Variants in MDN1 observed in about 807,000 individuals in gnomAD.
MDN1 encodes midasin AAA ATPase 1.
A neutral mutation model predicts 669.2 loss-of-function variants in MDN1; 266 were observed. The observed-to-expected ratio is 0.40, with a 90% CI of 0.36 to 0.44. The LOEUF is 0.44. MDN1 is among the 20% of genes least tolerant of loss of function. The pLI is 1.00. For missense variants in MDN1, 5,940 were observed against 6,754.0 expected (o/e 0.88, Z 4.22); for synonymous variants, 2,385 against 2,457.1 (o/e 0.97, Z 0.87).
At chr6:89,814,003 T>C (rs1007937521) in intron 1 of MDN1, among the ~76,000 whole-genome samples, 18 of 151,342 alleles carry the variant, frequency 1.2e-4, no homozygotes, top group Non-Finnish European at 7.4e-5. Flanking sequence ...GGGAGGGTCC[T>C]AAAGTAAGAT....
intron 19 of MDN1, among the ~76,000 whole-genome samples, chr6:89,757,084 A>C (rs1817293290): frequency 6.6e-6 from 1 of 152,178 alleles, no homozygotes; most frequent in African/African-American, 2.4e-5. Flanking sequence ...TGTAGTTTCT[A>C]AAGCTTCCCT....
At position 89,774,514 on chromosome 6, in the gene MDN1, T is replaced by C. The variant is rs1818255326; in HGVS notation, c.1934+107A>G. On this transcript the variant is annotated intron_variant, in intron 13 of 101. Transcript: ENST00000369393. ...CTTCCCATATAGCATACTACAGATA[T>C]CACAGTTCAGACATGTGTTTTGCAC... 5.1e-6 allele frequency: 4 copies of C among 779,060 alleles called. No individual in the cohort carries two copies. The East Asian group carries it at 1.0e-4, about 20-fold the overall frequency. The allele number at this position is 779,060 out of a possible 1,614,324, so 48.3% of individuals were successfully genotyped here.
rs144678040 is a variant in MDN1 at position 89,787,919 on chromosome 6, G to A, written c.1269C>T (p.Leu423=). 47 of 1,613,542 alleles carry A rather than the reference G, an allele frequency of 2.9e-5. No homozygotes were observed. The African/African-American group carries it at 5.9e-4, about 20-fold the overall frequency. Residue 423 remains leucine, a synonymous_variant, in exon 8 of 102, where the codon CTC becomes CTT. Transcript: ENST00000369393. Reference sequence around the variant, plus strand: ...GACAGTCACCTCGGCCAGGAATCAAGAGCTCTCCATTCTCCAAGAGAGGGA... The same window carrying A: ...GACAGTCACCTCGGCCAGGAATCAAAAGCTCTCCATTCTCCAAGAGAGGGA... ...VLIPLLENGE[L]LIPGRGDCLK... is the part of the protein sequence containing the mutation.
Position 89,707,430 on chromosome 6 carries a change from T to C in MDN1, c.7945A>G (p.Asn2649Asp), listed in dbSNP as rs1173350106. The part of the protein sequence containing the change: ...DREKRVFTEA[N>D]LVSVGSKKLR... ...TTTTTGCTACCAACAGAAACCAAAT[T>C]TGCTTCAGTAAAAACCCGTTTTTCC... The change falls in exon 52 of 102, where the codon AAT (asparagine) becomes GAT (aspartate). Residue 2649 changes from asparagine to aspartate, a missense_variant. By Grantham distance (23) the Asn-to-Asp change is conservative (BLOSUM62 1). This residue lies in a region of MDN1 where 2,292 missense variants were observed against 2,638.3 expected (regional missense o/e 0.87). Transcript: ENST00000369393. 8 of 1,613,956 alleles carry C rather than the reference T, an allele frequency of 5.0e-6. No individual in the cohort carries two copies. In the East Asian group the frequency reaches 1.8e-4, roughly 36 times the overall value.
chr6:89,803,890 C>CTTTCTTTT lies in MDN1; in HGVS notation c.103-337_103-336insAAAAGAAA, dbSNP rs377468650. On this transcript the variant is annotated intron_variant, in intron 1 of 101. Transcript: ENST00000369393. ...GCCACCGCGCCCGGCCTTTTCTTTT[C>CTTTCTTTT]TTTTCTTTTTTTTTTTTTTTTTTTT... 6.4e-3 allele frequency among the ~76,000 whole-genome samples: 593 copies of CTTTCTTTT among 93,016 alleles called. 34 individuals carry two copies. The highest frequency in any genetic ancestry group is 0.012 in the African/African-American group (285 of 24,334). 61.0% of individuals were successfully genotyped at this position (93,016 alleles called of 152,430 possible).
chr6:89,710,633 G>T, intron 50 of MDN1, 48 bp downstream of exon 50: 1 of 1,118,228 alleles, frequency 8.9e-7, no homozygotes, highest in African/African-American at 1.7e-5. Flanking sequence ...AAAGTCAAAA[G>T]ATAAGTTTCC....
chr6:89,785,637 C>T (rs537575245), intron 8 of MDN1, among the ~76,000 whole-genome samples: 2 of 152,218 alleles, frequency 1.3e-5, no homozygotes, highest in East Asian at 1.9e-4. Context: ...ACAACTGTCC[C>T]GAGAGGAAGA....
intron 83 of MDN1, among the ~76,000 whole-genome samples, chr6:89,670,564 T>C (rs1175327276): frequency 6.6e-6 from 1 of 152,038 alleles, no homozygotes; most frequent in Non-Finnish European, 1.5e-5. Flanking sequence ...GCCTTAAGGG[T>C]TTATCCTACA....
chr6:89,784,966 AG>A (rs1208376475), intron 9 of MDN1, 45 bp downstream of exon 9: 2 of 1,242,870 alleles, frequency 1.6e-6, no homozygotes. Context: ...TTCACGCGGG[AG>A]CCACTGCACC....
At chr6:89,710,062 T>C (rs2128311531) in intron 50 of MDN1, among the ~76,000 whole-genome samples, 1 of 152,222 alleles carries the variant, frequency 6.6e-6, no homozygotes, top group South Asian at 2.1e-4. Flanking sequence ...ACCGCATCTA[T>C]CATTAAAGGT....
intron 73 of MDN1, among the ~76,000 whole-genome samples, chr6:89,682,639 C>T (rs1055581414): frequency 1.4e-4 from 20 of 142,492 alleles, no homozygotes; most frequent in Non-Finnish European, 2.6e-4. Flanking sequence ...ACCCAGGAGG[C>T]GGAGCTTGCA....
At chr6:89,672,735 A>G in intron 80 of MDN1, 33 bp from the exon 81 acceptor site, 1 of 1,603,852 alleles carries the variant, frequency 6.2e-7, no homozygotes, top group South Asian at 1.1e-5. Context: ...ACAAACATAC[A>G]AACAAAAGAC....
intron 31 of MDN1, 138 bp from the exon 32 acceptor site, chr6:89,740,516 A>C: frequency 1.2e-6 from 1 of 809,844 alleles, no homozygotes; most frequent in Non-Finnish European, 1.8e-6. Context: ...TTCCTATCAC[A>C]AATTTTAAAA....
In MDN1 at chr6:89,771,580, T is replaced by C; in HGVS notation, c.2125A>G (p.Thr709Ala). Residue 709 changes from threonine to alanine, a missense_variant, in exon 15 of 102, where the codon ACT becomes GCT. Physicochemically the swap from Thr to Ala is moderately conservative, Grantham distance 58 (BLOSUM62 0). Transcript: ENST00000369393. ...RVVNMNQQSD[T>A]ADLLGGYKPV... ...ACTTACCCTCCAAGCAAGTCTGCAGTATCACTTTGTTGATTCATATTGACA... is the reference window on the plus strand; with the variant it reads ...ACTTACCCTCCAAGCAAGTCTGCAGCATCACTTTGTTGATTCATATTGACA... 6.2e-7 allele frequency: 1 copy of C among 1,614,056 alleles called. No individual in the cohort carries two copies. The highest frequency in any genetic ancestry group is 8.5e-7 in the Non-Finnish European group (1 of 1,179,956).
intron 65 of MDN1, among the ~76,000 whole-genome samples, chr6:89,689,577 C>T (rs1812243692): frequency 6.6e-6 from 1 of 152,172 alleles, no homozygotes; most frequent in African/African-American, 2.4e-5. Context: ...CATACACGTA[C>T]ACATTTAAAT....
chr6:89,706,244 C>T, intron 52 of MDN1, 52 bp from the exon 53 acceptor site: 7 of 1,541,828 alleles, frequency 4.5e-6, no homozygotes, highest in Non-Finnish European at 3.5e-6. Flanking sequence ...TTAAAATAAT[C>T]TCTGGACATT....
chr6:89,740,308 C>G lies in MDN1; in HGVS notation c.4519G>C (p.Glu1507Gln), dbSNP rs1260660419. Residue 1507 changes from glutamate (E) to glutamine (Q), a missense_variant, in exon 32 of 102, where the codon GAG becomes CAG. Around this residue, in one of 5 missense-constraint regions of MDN1, gnomAD observed 2,292 missense variants for 2,638.3 expected, o/e 0.87. Coordinates refer to ENST00000369393, the MANE Select transcript of MDN1 (RefSeq NM_014611.3). ...GSPEDKDSEIELLTAGKKFRI... is the reference protein window; with the variant it reads ...GSPEDKDSEIQLLTAGKKFRI... ...AATTTTTTCCCAGCAGTCAACAGCT[C>G]TATTTCACTATCCTTGTCCTCTGGA... 1 of 1,610,698 alleles carries G rather than the reference C, an allele frequency of 6.2e-7. No homozygotes were observed. The highest frequency in any genetic ancestry group is 8.5e-7 in the Non-Finnish European group (1 of 1,179,094).
intron 15 of MDN1, among the ~76,000 whole-genome samples, chr6:89,765,310 T>C (rs903273616): frequency 9.9e-5 from 15 of 151,998 alleles, no homozygotes; most frequent in African/African-American, 3.4e-4. Flanking sequence ...TAAAGGATCA[T>C]TGTAACTCCT....
At position 89,794,898 on chromosome 6, in the gene MDN1, T is replaced by C. The variant is rs147805331; in HGVS notation, c.330-97A>G. On this transcript the variant is annotated intron_variant, in intron 2 of 101. Coordinates refer to ENST00000369393, the MANE Select transcript of MDN1 (RefSeq NM_014611.3). ...GTTTATCAGAGTATTAAATGCATTT[T>C]CAACTTAAGCTATTTTCAAAAAGGA... The C allele has an allele frequency of 7.8e-5, 75 of 961,964 alleles. 1 individual carries two copies. The African/African-American group carries it at 8.8e-4, about 11-fold the overall frequency. The allele number at this position is 961,964 out of a possible 1,614,324, so 59.6% of individuals were successfully genotyped here. A position where few individuals can be genotyped will look rare whatever the true frequency, so the allele number is the denominator to read the frequency against.
Sources: allele counts gnomAD v4.1 joint callset (sites outside exome capture counted in the v4.1 genomes callset), GRCh38; gene constraint gnomAD v4.1.1; regional missense constraint gnomAD v4.1.1; transcripts MANE v1.5; gene names NCBI Gene and HGNC (gene_info 2026-07-23, HGNC 2026-07-21).